The following HS6ST2 variants were observed in gnomAD, a reference collection of about 807,000 sequenced individuals.
HS6ST2 encodes heparan-sulfate 6-O-sulfotransferase 2.
HS6ST2 carries 17 observed loss-of-function variants against 33.0 expected under a neutral mutation model. That is an observed-to-expected ratio of 0.52 (90% CI 0.35 to 0.77). HS6ST2 has a LOEUF of 0.77. Ranked by LOEUF, HS6ST2 falls within the 30% of genes least tolerant of loss-of-function variation. HS6ST2 has a pLI of 0.01. For missense variants in HS6ST2, 519 were observed against 551.7 expected (o/e 0.94, Z 0.59); for synonymous variants, 248 against 237.1 (o/e 1.05, Z -0.42).
chrX:132,958,041 G>A (rs78514472), intron 1 of HS6ST2, 134 bp downstream of exon 1: 1 of 610,301 alleles, frequency 1.6e-6, no homozygotes, highest in Non-Finnish European at 2.4e-6. Flanking sequence ...CCCCTCCGGA[G>A]ACCCTAGCCG....
At chrX:132,953,847 A>G (rs866103139) in intron 2 of HS6ST2, among the ~76,000 whole-genome samples, 1 of 112,571 alleles carries the variant, frequency 8.9e-6, no homozygotes, top group Middle Eastern at 4.6e-3. Context: ...TGATAACAAC[A>G]ACAGCCAACA....
chrX:132,761,134 G>A (rs1348871467), intron 2 of HS6ST2, among the ~76,000 whole-genome samples: 2 of 111,787 alleles, frequency 1.8e-5, no homozygotes, highest in African/African-American at 6.5e-5. Flanking sequence ...GAAGCCTGCA[G>A]AGACCTGGCT....
At chrX:132,825,397 TTC>T (rs1409907783) in intron 2 of HS6ST2, among the ~76,000 whole-genome samples, 2 of 111,615 alleles carry the variant, frequency 1.8e-5, no homozygotes, top group Non-Finnish European at 3.8e-5. Context: ...GGCCTGGAAA[TTC>T]TCTGTCCTAT....
intron 2 of HS6ST2, among the ~76,000 whole-genome samples, chrX:132,853,602 T>C (rs192501784): frequency 3.5e-4 from 39 of 111,217 alleles, no homozygotes; most frequent in Admixed American, 3.2e-3. Flanking sequence ...CCCAGAAACA[T>C]CAAGTCTTCT....
intron 2 of HS6ST2, among the ~76,000 whole-genome samples, chrX:132,745,389 T>C (rs2064628985): frequency 8.9e-6 from 1 of 111,965 alleles, no homozygotes; most frequent in Non-Finnish European, 1.9e-5. Flanking sequence ...CCAGCCCCGA[T>C]AGTTTTTTTT....
chrX:132,823,500 T>G (rs755115352), intron 2 of HS6ST2, among the ~76,000 whole-genome samples: 2 of 109,693 alleles, frequency 1.8e-5, no homozygotes, highest in Non-Finnish European at 3.8e-5. Flanking sequence ...ACAGCTTAGC[T>G]TCCACTTATA....
chrX:132,677,888 T>C (rs1239669070), intron 3 of HS6ST2, among the ~76,000 whole-genome samples: 1 of 111,920 alleles, frequency 8.9e-6, no homozygotes, highest in Non-Finnish European at 1.9e-5. Context: ...AGTTGGGTCA[T>C]TGAGGCAGGG....
At chrX:132,639,670 A>G (rs2063587315) in intron 4 of HS6ST2, among the ~76,000 whole-genome samples, 1 of 111,628 alleles carries the variant, frequency 9.0e-6, no homozygotes, top group Non-Finnish European at 1.9e-5. Context: ...TCAAATTGCC[A>G]TCCCTTGAGG....
chrX:132,629,568 C>T lies in HS6ST2; in HGVS notation c.1068-475G>A, dbSNP rs149069816. On this transcript the variant is annotated intron_variant, in intron 4 of 4. Transcript: ENST00000370833. ...TGGAGTTGACAAGTGGGTTCAAATT[C>T]GAATCTTATTAAATATGCAATAGCA... Among the ~76,000 whole-genome samples, 603 of 112,263 alleles carry T rather than the reference C, an allele frequency of 5.4e-3. 5 individuals are homozygous for T. The highest frequency in any genetic ancestry group is 0.019 in the African/African-American group (580 of 30,935).
rs149541012 is a variant in HS6ST2 at position 132,775,557 on chromosome X, A to C, written c.948-67063T>G. Among the ~76,000 whole-genome samples the C allele has an allele frequency of 2.6e-3, 292 of 111,858 alleles. 1 individual carries two copies. The highest frequency in any genetic ancestry group is 9.0e-3 in the African/African-American group (276 of 30,823). On this transcript the variant is annotated intron_variant, in intron 2 of 4. Transcript: ENST00000370833. ...TAAAAAGATTTCTTTATGAGACATA[A>C]TGCAAGAAAACGGGGGTGTTGTTTC...
At chrX:132,702,100 TTCC>T (rs1320279741) in intron 3 of HS6ST2, among the ~76,000 whole-genome samples, 4 of 112,344 alleles carry the variant, frequency 3.6e-5, no homozygotes, top group Admixed American at 2.8e-4. Context: ...CTGGAAAATG[TTCC>T]TGCATATCCA....
intron 2 of HS6ST2, among the ~76,000 whole-genome samples, chrX:132,740,903 T>C (rs758506833): frequency 8.9e-6 from 1 of 111,748 alleles, no homozygotes; most frequent in African/African-American, 3.3e-5. Flanking sequence ...GGAGTATATA[T>C]TATAGACAGT....
chrX:132,895,087 A>T (rs972746290), intron 2 of HS6ST2, among the ~76,000 whole-genome samples: 6 of 112,065 alleles, frequency 5.4e-5, no homozygotes, highest in African/African-American at 1.9e-4. Flanking sequence ...TCTATCACTG[A>T]TCTCTTGGGT....
intron 2 of HS6ST2, among the ~76,000 whole-genome samples, chrX:132,895,814 A>G (rs2148456406): frequency 9.1e-6 from 1 of 110,414 alleles, no homozygotes; most frequent in East Asian, 2.9e-4. Context: ...CTTACATCTT[A>G]TCAATGGACT....
At chrX:132,688,228 A>G in intron 3 of HS6ST2, among the ~76,000 whole-genome samples, 1 of 112,272 alleles carries the variant, frequency 8.9e-6, no homozygotes, top group Non-Finnish European at 1.9e-5. Flanking sequence ...TAGGCTCCAC[A>G]GAGCCAAAAG....
chrX:132,743,458 T>C (rs2064602134), intron 2 of HS6ST2, among the ~76,000 whole-genome samples: 2 of 112,165 alleles, frequency 1.8e-5, no homozygotes, highest in Admixed American at 1.9e-4. Context: ...ACTAAGGAAA[T>C]TGCGTCCTAC....
At chrX:132,679,386 G>A (rs901329938) in intron 3 of HS6ST2, among the ~76,000 whole-genome samples, 22 of 111,578 alleles carry the variant, frequency 2.0e-4, no homozygotes, top group Non-Finnish European at 4.1e-4. Flanking sequence ...AGTAGGTTCC[G>A]TGATGCCCCA....
intron 2 of HS6ST2, among the ~76,000 whole-genome samples, chrX:132,709,840 C>CACACA (rs901597899): frequency 2.7e-5 from 3 of 109,798 alleles, no homozygotes; most frequent in African/African-American, 3.3e-5. Context: ...CACACACACA[C>CACACA]AAGAAAATAT....
At chrX:132,833,880 T>G (rs184774677) in intron 2 of HS6ST2, among the ~76,000 whole-genome samples, 1 of 110,704 alleles carries the variant, frequency 9.0e-6, no homozygotes, top group Non-Finnish European at 1.9e-5. Context: ...TAACTCCTCA[T>G]AGGGCCATAT....
Sources: gnomAD v4.1 joint callset for allele counts (sites outside exome capture counted in the v4.1 genomes callset) on GRCh38, gnomAD v4.1.1 for gene constraint, MANE v1.5 for transcripts, NCBI Gene and HGNC (gene_info 2026-07-23, HGNC 2026-07-21) for gene names.